Variants in CDC42SE2 observed in about 807,000 individuals in gnomAD.
The protein encoded by CDC42SE2 is CDC42 small effector 2.
In CDC42SE2, 3 loss-of-function variants were observed where a neutral mutation model predicts 11.5. The ratio of observed to expected loss-of-function variants is 0.26; its 90% CI spans 0.12 to 0.67. The LOEUF is 0.67. Among genes scored for constraint, CDC42SE2 ranks in the 30% least tolerant of loss-of-function variants. The pLI is 0.80. For synonymous variants in CDC42SE2, 33 were observed against 34.8 expected (o/e 0.95, Z 0.18); for missense variants, 82 against 106.8 (o/e 0.77, Z 1.02).
chr5:131,210,932 A>G, the CDC42SE2 span, among the ~76,000 whole-genome samples: 1 of 152,284 alleles, frequency 6.6e-6, no homozygotes, highest in East Asian at 1.9e-4. Context: ...TCTGCCTCCC[A>G]GTTCAAGTGA....
intron 1 of CDC42SE2, among the ~76,000 whole-genome samples, chr5:131,249,856 C>A (rs140599406): frequency 6.6e-6 from 1 of 151,922 alleles, no homozygotes; most frequent in African/African-American, 2.4e-5. Context: ...GCACTCCAGT[C>A]TGGACAACAG....
chr5:131,216,300 CAG>C, the CDC42SE2 span, among the ~76,000 whole-genome samples: 1,002 of 152,022 alleles, frequency 6.6e-3, 14 homozygotes, highest in African/African-American at 0.023. Flanking sequence ...AGTTTGAGAC[CAG>C]CCTGGGCAGT....
At chr5:131,237,986 A>G in the CDC42SE2 span, among the ~76,000 whole-genome samples, 2 of 151,656 alleles carry the variant, frequency 1.3e-5, no homozygotes, top group East Asian at 1.9e-4. Context: ...ATCAGCCATT[A>G]TGTTTTATAT....
At chr5:131,338,689 AACT>A (rs1758635593) in intron 2 of CDC42SE2, among the ~76,000 whole-genome samples, 1 of 152,218 alleles carries the variant, frequency 6.6e-6, no homozygotes, top group Non-Finnish European at 1.5e-5. Flanking sequence ...AAGATTAAGT[AACT>A]TGCCCAAGAT....
At chr5:131,307,400 C>T (rs958637899) in intron 1 of CDC42SE2, among the ~76,000 whole-genome samples, 1 of 152,006 alleles carries the variant, frequency 6.6e-6, no homozygotes. Flanking sequence ...ATGAACTCAT[C>T]ATTTTTTATG....
At chr5:131,234,464 T>C in the CDC42SE2 span, among the ~76,000 whole-genome samples, 39,701 of 151,778 alleles carry the variant, frequency 0.26, 6,285 homozygotes, top group African/African-American at 0.44. Context: ...GGTGAAACCC[T>C]GTCTGTATTA....
At chr5:131,334,994 C>G (rs1758519675) in intron 2 of CDC42SE2, among the ~76,000 whole-genome samples, 1 of 152,068 alleles carries the variant, frequency 6.6e-6, no homozygotes, top group Non-Finnish European at 1.5e-5. Context: ...TTAGTTATTT[C>G]TTGCCTTCTT....
chr5:131,379,779 A>G (rs542974793), intron 3 of CDC42SE2, among the ~76,000 whole-genome samples: 1 of 152,168 alleles, frequency 6.6e-6, no homozygotes, highest in African/African-American at 2.4e-5. Flanking sequence ...AAAGTTTCCT[A>G]TAAAGAATTT....
chr5:131,258,220 CTTTA>C (rs1159167932), intron 2 of CDC42SE2, among the ~76,000 whole-genome samples: 3 of 152,018 alleles, frequency 2.0e-5, no homozygotes, highest in African/African-American at 4.8e-5. Context: ...TCCCCTTTCT[CTTTA>C]TTGTTTTTTT....
At position 131,359,121 on chromosome 5, in the gene CDC42SE2, T is replaced by G. The variant is rs6869961; in HGVS notation, c.-285-88T>G. 19,633 of 165,596 alleles carry G rather than the reference T, an allele frequency of 0.12. 2,800 individuals carry two copies. The highest frequency in any genetic ancestry group is 0.35 in the African/African-American group (14,728 of 41,948). The allele number at this position is 165,596 out of a possible 1,614,324, so 10.3% of individuals were successfully genotyped here. A position where few individuals can be genotyped will look rare whatever the true frequency, so the allele number is the denominator to read the frequency against. The stretch of plus-strand genomic sequence containing the variant: ...TCTTGATTTTTTTTCAGTGTTTACT[T>G]TTTTTGGTAATATTTATTTTAAGAA... On this transcript the variant is annotated intron_variant, in intron 2 of 4. Transcript: ENST00000505065.
At chr5:131,252,034 AAG>A (rs1374495835) in intron 1 of CDC42SE2, among the ~76,000 whole-genome samples, 2 of 148,250 alleles carry the variant, frequency 1.3e-5, no homozygotes, top group East Asian at 4.0e-4. Flanking sequence ...AGAAGAAAAA[AAG>A]AGAGAAAGAA....
the CDC42SE2 span, among the ~76,000 whole-genome samples, chr5:131,238,792 A>G: frequency 2.6e-4 from 40 of 152,082 alleles, no homozygotes; most frequent in Non-Finnish European, 5.1e-4. Flanking sequence ...ATGTTTTTCA[A>G]AATCAAAATT....
At chr5:131,349,454 C>T (rs992027822) in intron 2 of CDC42SE2, among the ~76,000 whole-genome samples, 6 of 152,060 alleles carry the variant, frequency 3.9e-5, no homozygotes, top group South Asian at 4.1e-4. Flanking sequence ...GAAACCTGCA[C>T]GTTGTGCTCA....
chr5:131,318,549 A>G (rs1758097659), intron 2 of CDC42SE2, among the ~76,000 whole-genome samples: 4 of 152,182 alleles, frequency 2.6e-5, no homozygotes, highest in Admixed American at 1.3e-4. Context: ...CCTGGCAGCT[A>G]TCTTTTGACC....
At chr5:131,292,632 C>T (rs367834647) in intron 1 of CDC42SE2, among the ~76,000 whole-genome samples, 5 of 151,218 alleles carry the variant, frequency 3.3e-5, no homozygotes, top group African/African-American at 1.2e-4. Context: ...GGTGTGGTGG[C>T]TTGTGCCTGT....
chr5:131,217,058 C>G, the CDC42SE2 span, among the ~76,000 whole-genome samples: 1 of 152,180 alleles, frequency 6.6e-6, no homozygotes, highest in Non-Finnish European at 1.5e-5. Flanking sequence ...TTCACTGATG[C>G]AAGGAAATAG....
chr5:131,271,688 C>T (rs1279939668), intron 1 of CDC42SE2, among the ~76,000 whole-genome samples: 1 of 152,174 alleles, frequency 6.6e-6, no homozygotes, highest in Non-Finnish European at 1.5e-5. Context: ...TTGCTGCCAT[C>T]ACCTCTTTGC....
chr5:131,336,422 C>G (rs1174787730), intron 2 of CDC42SE2, among the ~76,000 whole-genome samples: 2 of 152,162 alleles, frequency 1.3e-5, no homozygotes, highest in Admixed American at 1.3e-4. Context: ...TTCATTTCAA[C>G]TTTGATGAAT....
chr5:131,321,753 A>G (rs1432144892), intron 2 of CDC42SE2, among the ~76,000 whole-genome samples: 1 of 151,958 alleles, frequency 6.6e-6, no homozygotes, highest in African/African-American at 2.4e-5. Flanking sequence ...CGTACTGGGT[A>G]AAAGGAAAAA....
Sources: gnomAD v4.1 joint callset for allele counts (sites outside exome capture counted in the v4.1 genomes callset) on GRCh38, gnomAD v4.1.1 for gene constraint, MANE v1.5 for transcripts, NCBI Gene and HGNC (gene_info 2026-07-23, HGNC 2026-07-21) for gene names.